The following TEAD1 variants were observed in gnomAD, a reference collection of about 807,000 sequenced individuals.
The protein encoded by TEAD1 is TEA domain transcription factor 1, also known as transcriptional enhancer factor TEF-1.
Under a neutral mutation model 54.9 loss-of-function variants are expected in TEAD1, and 9 were observed. The ratio of observed to expected loss-of-function variants is 0.16; its 90% CI spans 0.10 to 0.29. TEAD1 has a LOEUF of 0.29. TEAD1 is among the 10% of genes least tolerant of loss of function. TEAD1 has a pLI of 1.00. For synonymous variants in TEAD1, 200 were observed against 187.8 expected (o/e 1.07, Z -0.53); for missense variants, 387 against 535.9 (o/e 0.72, Z 2.74).
chr11:12,882,893 G>C (rs1302352907), intron 8 of TEAD1, 108 bp from the exon 9 acceptor site: 2 of 1,542,834 alleles, frequency 1.3e-6, no homozygotes, highest in African/African-American at 1.4e-5. Flanking sequence ...TGGAGAGGGG[G>C]CTGTTGGCAT....
At chr11:12,828,448 A>C (rs1946700869) in intron 3 of TEAD1, 1 of 152,070 alleles carries the variant, frequency 6.6e-6, no homozygotes, top group Non-Finnish European at 1.5e-5. Flanking sequence ...ACCAAGTTAG[A>C]AGGGTGTGTT....
chr11:12,767,375 G>A (rs1317709393), intron 3 of TEAD1, among the ~76,000 whole-genome samples: 1 of 152,166 alleles, frequency 6.6e-6, no homozygotes, highest in Non-Finnish European at 1.5e-5. Flanking sequence ...TGAATTCCAT[G>A]CAGTAAAATA....
intron 11 of TEAD1, 137 bp downstream of exon 11, chr11:12,925,189 A>T: frequency 1.0e-6 from 1 of 981,966 alleles, no homozygotes; most frequent in Non-Finnish European, 1.6e-6. Context: ...TCACACTGCT[A>T]TGAAGAACTA....
intron 3 of TEAD1, among the ~76,000 whole-genome samples, chr11:12,779,463 C>A (rs1945500542): frequency 6.6e-6 from 1 of 152,190 alleles, no homozygotes; most frequent in African/African-American, 2.4e-5. Context: ...GTAACCATGA[C>A]TAATATTGCT....
intron 3 of TEAD1, among the ~76,000 whole-genome samples, chr11:12,824,980 A>G (rs1228509290): frequency 6.6e-6 from 1 of 152,140 alleles, no homozygotes; most frequent in African/African-American, 2.4e-5. Flanking sequence ...CATCTATTAG[A>G]TGACATTTTT....
intron 2 of TEAD1, among the ~76,000 whole-genome samples, chr11:12,752,788 A>G (rs1564928541): frequency 6.6e-6 from 1 of 151,982 alleles, no homozygotes; most frequent in Non-Finnish European, 1.5e-5. Flanking sequence ...AAATGTGTCT[A>G]GTGCCTACTG....
chr11:12,723,466 A>T (rs1944253333), intron 2 of TEAD1, among the ~76,000 whole-genome samples: 1 of 152,232 alleles, frequency 6.6e-6, no homozygotes, highest in South Asian at 2.1e-4. Context: ...ATTCATCTGT[A>T]AAATAAATAC....
chr11:12,840,084 A>T (rs2134031931), intron 3 of TEAD1, among the ~76,000 whole-genome samples: 1 of 151,954 alleles, frequency 6.6e-6, no homozygotes, highest in African/African-American at 2.4e-5. Context: ...CGTCTCTACT[A>T]AAAATACAAA....
At chr11:12,794,077 T>C (rs1415834541) in intron 3 of TEAD1, among the ~76,000 whole-genome samples, 6 of 152,216 alleles carry the variant, frequency 3.9e-5, no homozygotes, top group Non-Finnish European at 8.8e-5. Context: ...CTAACTCTGA[T>C]AGGAAATAGC....
intron 5 of TEAD1, chr11:12,878,816 T>C (rs770319314): frequency 1.3e-5 from 13 of 998,594 alleles, no homozygotes; most frequent in Non-Finnish European, 1.7e-5. Context: ...TATATGTTTT[T>C]TTTTTAACCA....
chr11:12,701,256 T>C (rs1295659705), intron 2 of TEAD1, among the ~76,000 whole-genome samples: 1 of 152,176 alleles, frequency 6.6e-6, no homozygotes, highest in Non-Finnish European at 1.5e-5. Flanking sequence ...CTTCCTCTGG[T>C]TATCAGCTTT....
chr11:12,839,514 C>A (rs575094458), intron 3 of TEAD1, among the ~76,000 whole-genome samples: 155 of 152,328 alleles, frequency 1.0e-3, no homozygotes, highest in South Asian at 4.4e-3. Context: ...CCTGTCCATT[C>A]AGTTAACAGT....
At chr11:12,774,606 C>T (rs992957105) in intron 3 of TEAD1, among the ~76,000 whole-genome samples, 4 of 152,172 alleles carry the variant, frequency 2.6e-5, no homozygotes, top group African/African-American at 9.7e-5. Context: ...GTTATAGTTA[C>T]ATGGGCCAGC....
At chr11:12,714,291 T>TA (rs1267400262) in intron 2 of TEAD1, among the ~76,000 whole-genome samples, 1 of 152,080 alleles carries the variant, frequency 6.6e-6, no homozygotes, top group Non-Finnish European at 1.5e-5. Context: ...GGAAAGGTCT[T>TA]AGAGTGGGAT....
chr11:12,808,384 C>A lies in TEAD1; in HGVS notation c.202+43950C>A, dbSNP rs192762329. 1.1e-4 allele frequency among the ~76,000 whole-genome samples: 16 copies of A among 152,296 alleles called. No individual in the cohort carries two copies. In the East Asian group the frequency reaches 2.9e-3, roughly 28 times the overall value. On this transcript the variant is annotated intron_variant, in intron 3 of 12. Transcript: ENST00000527636. ...CTTCTCTAGTGGGGCCCCAAATGCA[C>A]CACCATGATGTAAGGGTCTGACCAA...
chr11:12,901,995 C>A lies in TEAD1; in HGVS notation c.755C>A (p.Pro252Gln). 6.2e-7 allele frequency: 1 copy of A among 1,614,224 alleles called. No homozygotes were observed. The highest frequency in any genetic ancestry group is 8.5e-7 in the Non-Finnish European group (1 of 1,180,028). ...CATGCCAACCATTCTTACAGTGACC[C>A]ATTGCTTGAATCAGTGGACATTCGT... The change falls in exon 10 of 13, where the codon CCA becomes CAA. Residue 252 changes from proline to glutamine, a missense_variant. Coordinates refer to ENST00000527636, the MANE Select transcript of TEAD1 (RefSeq NM_021961.6).
At chr11:12,855,366 T>C (rs1947356639) in intron 3 of TEAD1, among the ~76,000 whole-genome samples, 1 of 152,130 alleles carries the variant, frequency 6.6e-6, no homozygotes, top group African/African-American at 2.4e-5. Context: ...CTCAGCTCAC[T>C]GCAACCTCTG....
intron 4 of TEAD1, among the ~76,000 whole-genome samples, chr11:12,864,457 G>C (rs1346716787): frequency 6.6e-6 from 1 of 152,160 alleles, no homozygotes; most frequent in Non-Finnish European, 1.5e-5. Flanking sequence ...AGTCACTGCA[G>C]TGATGACCCA....
At chr11:12,777,159 C>T (rs974012684) in intron 3 of TEAD1, among the ~76,000 whole-genome samples, 6 of 152,178 alleles carry the variant, frequency 3.9e-5, no homozygotes, top group African/African-American at 1.2e-4. Context: ...TTTTAGAACA[C>T]AGTCTTAAAG....
Sources: allele counts gnomAD v4.1 joint callset (sites outside exome capture counted in the v4.1 genomes callset), GRCh38; gene constraint gnomAD v4.1.1; transcripts MANE v1.5; gene names NCBI Gene and HGNC (gene_info 2026-07-23, HGNC 2026-07-21).